The following SNTG2 variants were observed in gnomAD, a reference collection of about 807,000 sequenced individuals.
The protein encoded by SNTG2 is gamma-2-syntrophin.
A neutral mutation model predicts 70.9 loss-of-function variants in SNTG2; 74 were observed. The observed-to-expected ratio is 1.04, with a 90% CI of 0.86 to 1.27. The LOEUF (loss-of-function observed/expected upper bound fraction) is 1.27, where lower values mean the gene tolerates loss of function less well. Ranked by LOEUF, SNTG2 falls within the 50% of genes most tolerant of loss-of-function variation. The pLI, the probability that SNTG2 is intolerant of heterozygous loss-of-function variation, is 0.00. For synonymous variants in SNTG2, 278 were observed against 273.8 expected (o/e 1.02, Z -0.15); for missense variants, 717 against 690.7 (o/e 1.04, Z -0.43).
intron 1 of SNTG2, among the ~76,000 whole-genome samples, chr2:977,867 CTCT>C (rs1660963261): frequency 6.6e-6 from 1 of 152,202 alleles, no homozygotes; most frequent in African/African-American, 2.4e-5. Context: ...CCACCTACTC[CTCT>C]TCAAGTAACT....
At chr2:1,339,362 T>C (rs1573001647) in intron 16 of SNTG2, among the ~76,000 whole-genome samples, 1 of 152,252 alleles carries the variant, frequency 6.6e-6, no homozygotes. Flanking sequence ...GAAAGTTTTT[T>C]ATTTTGATCA....
At chr2:1,251,539 A>G (rs1677764356) in intron 12 of SNTG2, among the ~76,000 whole-genome samples, 2 of 145,396 alleles carry the variant, frequency 1.4e-5, no homozygotes, top group African/African-American at 5.1e-5. Flanking sequence ...CACACACATA[A>G]CATATGCACA....
chr2:1,001,461 T>C (rs1197189261), intron 1 of SNTG2, among the ~76,000 whole-genome samples: 1 of 152,120 alleles, frequency 6.6e-6, no homozygotes. Flanking sequence ...GTAGCATTTT[T>C]ATACAACAAT....
chr2:1,211,241 C>T (rs1291480310), intron 9 of SNTG2, among the ~76,000 whole-genome samples: 1 of 152,126 alleles, frequency 6.6e-6, no homozygotes, highest in East Asian at 1.9e-4. Context: ...GAGATCTGGG[C>T]ATGTATCTCT....
chr2:1,328,625 C>T (rs923995154), intron 16 of SNTG2, among the ~76,000 whole-genome samples: 17 of 152,086 alleles, frequency 1.1e-4, no homozygotes, highest in Non-Finnish European at 4.4e-5. Flanking sequence ...TGGAGGAGCT[C>T]TTGTTTTCCA....
chr2:1,331,326 A>G (rs1225141475), intron 16 of SNTG2, among the ~76,000 whole-genome samples: 2 of 152,230 alleles, frequency 1.3e-5, no homozygotes, highest in African/African-American at 4.8e-5. Flanking sequence ...TTTTAAAAGC[A>G]TGCTGTGTAA....
intron 6 of SNTG2, among the ~76,000 whole-genome samples, chr2:1,156,612 C>T (rs1366129690): frequency 2.6e-5 from 4 of 152,106 alleles, no homozygotes; most frequent in East Asian, 1.9e-4. Context: ...AGCCACAGAG[C>T]GGGAAGAGAC....
At chr2:1,002,426 T>C (rs998842008) in intron 1 of SNTG2, among the ~76,000 whole-genome samples, 2 of 151,898 alleles carry the variant, frequency 1.3e-5, no homozygotes, top group Non-Finnish European at 2.9e-5. Context: ...CACTTAAAAG[T>C]AGGCAAAAGT....
At chr2:967,697 G>A (rs1053982510) in intron 1 of SNTG2, among the ~76,000 whole-genome samples, 1 of 152,118 alleles carries the variant, frequency 6.6e-6, no homozygotes, top group Non-Finnish European at 1.5e-5. Context: ...TGGCGTCAGG[G>A]CATTGGTGTA....
intron 14 of SNTG2, among the ~76,000 whole-genome samples, chr2:1,305,647 A>G (rs573191282): frequency 1.3e-5 from 2 of 152,376 alleles, no homozygotes; most frequent in African/African-American, 4.8e-5. Context: ...ATTTTTTTAA[A>G]AAATTCCCTC....
chr2:1,239,326 AAAC>A (rs1676897523), intron 10 of SNTG2, among the ~76,000 whole-genome samples: 1 of 152,174 alleles, frequency 6.6e-6, no homozygotes, highest in African/African-American at 2.4e-5. Context: ...AAATTTTGGA[AAAC>A]AACATCTACC....
intron 4 of SNTG2, among the ~76,000 whole-genome samples, chr2:1,113,148 G>A (rs1310401148): frequency 4.5e-4 from 62 of 136,796 alleles, no homozygotes; most frequent in African/African-American, 7.8e-4. Flanking sequence ...GTCCTTTGAG[G>A]AGGATCGTGG....
intron 1 of SNTG2, among the ~76,000 whole-genome samples, chr2:1,019,071 G>A (rs7574097): frequency 0.23 from 34,703 of 152,182 alleles, 4,507 homozygotes; most frequent in Middle Eastern, 0.31. Context: ...TCGAGCAGGT[G>A]CTGTTAGGGG....
chr2:1,141,741 C>T (rs776210300), intron 6 of SNTG2, among the ~76,000 whole-genome samples: 10 of 152,144 alleles, frequency 6.6e-5, no homozygotes, highest in Admixed American at 1.3e-4. Context: ...CAGACACCAA[C>T]GTGGAGGTTC....
Position 1,129,504 on chromosome 2 carries a change from G to A in SNTG2, c.326-8118G>A, listed in dbSNP as rs576226136. Among the ~76,000 whole-genome samples, 10 of 152,166 alleles carry A rather than the reference G, an allele frequency of 6.6e-5. No homozygotes were observed. In the South Asian group the frequency reaches 1.7e-3, roughly 25 times the overall value. On this transcript the variant is annotated intron_variant, in intron 4 of 16. Transcript: ENST00000308624. ...ATTTGGAAATTAATAATTTCATCAC[G>A]GTTGTCTCATCTGAGACAAACCATA...
At chr2:1,177,337 G>T (rs1288013963) in intron 8 of SNTG2, among the ~76,000 whole-genome samples, 4 of 152,122 alleles carry the variant, frequency 2.6e-5, no homozygotes, top group African/African-American at 9.7e-5. Flanking sequence ...GGGGGCCATG[G>T]TGGGAGGGAG....
intron 6 of SNTG2, among the ~76,000 whole-genome samples, chr2:1,151,453 G>A (rs936435198): frequency 6.6e-6 from 1 of 152,118 alleles, no homozygotes; most frequent in African/African-American, 2.4e-5. Context: ...TCTGATAAAT[G>A]TTGAGACCCT....
rs918388278 is a variant in SNTG2, at chr2:1,165,630, C to T, written c.494C>T (p.Pro165Leu). 2.0e-5 allele frequency: 32 copies of T among 1,611,512 alleles called. No individual in the cohort carries two copies. In the Middle Eastern group the frequency reaches 9.9e-4, roughly 50 times the overall value. Reference protein sequence around the residue: ...LREAPAFLKLPLGSPGPSSDH... With the variant: ...LREAPAFLKLLLGSPGPSSDH... ...GAAGCGCCGGCATTTCTGAAGCTCC[C>T]GTTAGGTAAGTGGGAAGAGGAGAAA... The change falls in exon 7 of 17, where the codon CCG (proline) becomes CTG (leucine). Residue 165 changes from proline (P) to leucine (L), a missense_variant. Coordinates refer to ENST00000308624, the MANE Select transcript of SNTG2 (RefSeq NM_018968.4).
At chr2:1,293,157 CTTTT>C (rs71400092) in intron 14 of SNTG2, among the ~76,000 whole-genome samples, 1 of 130,988 alleles carries the variant, frequency 7.6e-6, no homozygotes, top group Non-Finnish European at 1.6e-5. Flanking sequence ...TACTCTGTTA[CTTTT>C]TTTTTTTTTT....
Sources: gnomAD v4.1 joint callset for allele counts (sites outside exome capture counted in the v4.1 genomes callset) on GRCh38, gnomAD v4.1.1 for gene constraint, MANE v1.5 for transcripts, NCBI Gene and HGNC (gene_info 2026-07-23, HGNC 2026-07-21) for gene names.